The following SLC7A1 variants were observed in gnomAD, a reference collection of about 807,000 sequenced individuals.
SLC7A1 encodes the protein high affinity cationic amino acid transporter 1.
Under a neutral mutation model 53.9 loss-of-function variants are expected in SLC7A1, and 10 were observed. That is an observed-to-expected ratio of 0.19 (90% CI 0.11 to 0.31). SLC7A1 has a LOEUF of 0.31. SLC7A1 is among the 10% of genes least tolerant of loss of function. The pLI, the probability that SLC7A1 is intolerant of heterozygous loss-of-function variation, is 1.00. For missense variants in SLC7A1, 525 were observed against 827.2 expected (o/e 0.63, Z 4.48); for synonymous variants, 342 against 338.7 (o/e 1.01, Z -0.11).
chr13:29,572,249 G>C (rs527310286), intron 1 of SLC7A1, among the ~76,000 whole-genome samples: 3 of 152,368 alleles, frequency 2.0e-5, no homozygotes, highest in African/African-American at 7.2e-5. Flanking sequence ...GAGAAGCCCA[G>C]TGGACCAGTG....
At chr13:29,517,481 T>C (rs548331990) in intron 10 of SLC7A1, 92 bp downstream of exon 10, 18 of 1,260,796 alleles carry the variant, frequency 1.4e-5, no homozygotes, top group Admixed American at 1.7e-5. Context: ...CAGATGCTCA[T>C]CTTCTCTGGC....
intron 1 of SLC7A1, among the ~76,000 whole-genome samples, chr13:29,589,078 C>T (rs955359090): frequency 6.6e-6 from 1 of 152,220 alleles, no homozygotes; most frequent in African/African-American, 2.4e-5. Context: ...GAAGACGGGC[C>T]CTTGCTGCAG....
At position 29,514,382 on chromosome 13, in the gene SLC7A1, G is replaced by A. The variant is rs942128560; in HGVS notation, c.*98C>T. The A allele has an allele frequency of 3.8e-6, 3 of 797,066 alleles. No homozygotes were observed. The highest frequency in any genetic ancestry group is 3.4e-5 in the African/African-American group (2 of 59,410). The allele number at this position is 797,066 out of a possible 1,614,324, so 49.4% of individuals were successfully genotyped here. On this transcript the variant is annotated 3_prime_UTR_variant, in exon 13 of 13. Coordinates refer to ENST00000380752, the MANE Select transcript of SLC7A1 (RefSeq NM_003045.5). ...GGCTGCAGTGAGGGTGTGGACGCAG[G>A]TGGTTTCTGTTGCACTGGTGGGGAG...
chr13:29,541,513 A>C (rs1201263844), intron 2 of SLC7A1, among the ~76,000 whole-genome samples: 2 of 152,186 alleles, frequency 1.3e-5, no homozygotes, highest in Non-Finnish European at 2.9e-5. Flanking sequence ...AGCCACTGCC[A>C]ATTTGGGCGT....
intron 1 of SLC7A1, among the ~76,000 whole-genome samples, chr13:29,576,061 G>A (rs1871395475): frequency 6.6e-6 from 1 of 150,674 alleles, no homozygotes; most frequent in South Asian, 2.1e-4. Context: ...GCTGAAATAG[G>A]AGGATCCCTT....
intron 2 of SLC7A1, among the ~76,000 whole-genome samples, chr13:29,552,679 G>A (rs981947758): frequency 3.9e-5 from 6 of 152,220 alleles, no homozygotes; most frequent in Admixed American, 3.9e-4. Context: ...TAACTAGCCA[G>A]ACCCATCCCT....
At chr13:29,529,641 G>T (rs1869060853) in intron 5 of SLC7A1, among the ~76,000 whole-genome samples, 1 of 152,208 alleles carries the variant, frequency 6.6e-6, no homozygotes, top group East Asian at 1.9e-4. Flanking sequence ...TGGCAAAGCT[G>T]GCCAGCCAAC....
chr13:29,517,031 A>G, intron 11 of SLC7A1, 113 bp downstream of exon 11: 2 of 1,053,440 alleles, frequency 1.9e-6, no homozygotes, highest in Non-Finnish European at 2.7e-6. Flanking sequence ...GCTGGCTAGC[A>G]AAAACCTTCC....
At chr13:29,590,174 C>T (rs1297386916) in intron 1 of SLC7A1, among the ~76,000 whole-genome samples, 1 of 152,182 alleles carries the variant, frequency 6.6e-6, no homozygotes, top group East Asian at 1.9e-4. Context: ...GGGTGTCGCC[C>T]ACCACCCCTG....
chr13:29,590,871 A>G (rs2139195905), intron 1 of SLC7A1, among the ~76,000 whole-genome samples: 1 of 152,286 alleles, frequency 6.6e-6, no homozygotes, highest in South Asian at 2.1e-4. Flanking sequence ...TAGGGAGGCG[A>G]GGCAGGTGGA....
chr13:29,517,231 A>T lies in SLC7A1; in HGVS notation c.1590T>A (p.Phe530Leu). Residue 530 changes from phenylalanine to leucine, a missense_variant, in exon 11 of 13, where the codon TTT (phenylalanine) becomes TTA (leucine). By Grantham distance (22) the Phe-to-Leu change is conservative (BLOSUM62 0). Transcript: ENST00000380752. ...AGAGGAGGGCAGACCCTGCGAGCAG[A>T]AAGACTGCCCACAGCGCCCCTTTGG... is the stretch of plus-strand genomic sequence containing the variant. ...ALTKGALWAVFLLAGSALLCA... is the reference protein window; with the variant it reads ...ALTKGALWAVLLLAGSALLCA... 3 of 1,613,444 alleles carry T rather than the reference A, an allele frequency of 1.9e-6. No homozygotes were observed. The highest frequency in any genetic ancestry group is 2.5e-6 in the Non-Finnish European group (3 of 1,179,736).
intron 1 of SLC7A1, among the ~76,000 whole-genome samples, chr13:29,591,722 G>GA (rs1223549404): frequency 2.0e-5 from 3 of 152,190 alleles, no homozygotes; most frequent in South Asian, 2.1e-4. Flanking sequence ...GGGACAATCA[G>GA]AAAAAAATGG....
chr13:29,556,321 G>T (rs1418614296), intron 1 of SLC7A1, among the ~76,000 whole-genome samples: 1 of 152,004 alleles, frequency 6.6e-6, no homozygotes. Flanking sequence ...CACAAAATGG[G>T]TTAATCCTTG....
intron 2 of SLC7A1, among the ~76,000 whole-genome samples, chr13:29,552,248 C>CACAT (rs1278971861): frequency 1.3e-4 from 19 of 151,450 alleles, no homozygotes; most frequent in African/African-American, 4.6e-4. Flanking sequence ...CACACACACA[C>CACAT]ACACACAGAC....
chr13:29,526,567 T>C (rs2139086428), intron 5 of SLC7A1, among the ~76,000 whole-genome samples: 1 of 152,196 alleles, frequency 6.6e-6, no homozygotes, highest in Non-Finnish European at 1.5e-5. Context: ...TAGGCAACCA[T>C]GAGGCAGAGG....
chr13:29,561,975 A>T (rs1401254824), intron 1 of SLC7A1, among the ~76,000 whole-genome samples: 1 of 152,100 alleles, frequency 6.6e-6, no homozygotes. Context: ...ATTTATCCAG[A>T]CTCTTGTTAA....
chr13:29,544,528 G>A (rs540129704), intron 2 of SLC7A1, among the ~76,000 whole-genome samples: 12 of 152,300 alleles, frequency 7.9e-5, no homozygotes, highest in Admixed American at 4.6e-4. Context: ...GGAGACGCAG[G>A]CTTGATTACA....
At chr13:29,545,456 C>T (rs979849719) in intron 2 of SLC7A1, among the ~76,000 whole-genome samples, 3 of 152,156 alleles carry the variant, frequency 2.0e-5, no homozygotes, top group African/African-American at 7.2e-5. Context: ...TCTGTTTCTA[C>T]GTGTGTAAAA....
At chr13:29,530,802 A>G (rs991547538) in intron 4 of SLC7A1, 90 bp from the exon 5 acceptor site, 197 of 1,062,970 alleles carry the variant, frequency 1.9e-4, no homozygotes, top group Middle Eastern at 9.1e-4. Flanking sequence ...AGGCGACTGA[A>G]AAAGAATCCA....
Sources: gnomAD v4.1 joint callset for allele counts (sites outside exome capture counted in the v4.1 genomes callset) on GRCh38, gnomAD v4.1.1 for gene constraint, MANE v1.5 for transcripts, NCBI Gene and HGNC (gene_info 2026-07-23, HGNC 2026-07-21) for gene names.